The following AGO3 variants were observed in gnomAD, a reference collection of about 807,000 sequenced individuals.
The protein encoded by AGO3 is protein argonaute-3.
AGO3 carries 16 observed loss-of-function variants against 105.5 expected under a neutral mutation model. That is an observed-to-expected ratio of 0.15 (90% CI 0.10 to 0.23). The LOEUF is 0.23. Ranked by LOEUF, AGO3 falls within the 10% of genes least tolerant of loss-of-function variation. The pLI, the probability that AGO3 is intolerant of heterozygous loss-of-function variation, is 1.00. For synonymous variants in AGO3, 340 were observed against 367.3 expected (o/e 0.93, Z 0.85); for missense variants, 534 against 1,088.0 (o/e 0.49, Z 7.16).
Position 36,039,890 on chromosome 1 carries a change from G to A in AGO3, c.1943G>A (p.Arg648Gln), listed in dbSNP as rs768960323. The A allele has an allele frequency of 1.2e-6, 2 of 1,613,804 alleles. No homozygotes were observed. The highest frequency in any genetic ancestry group is 1.1e-5 in the South Asian group (1 of 91,060). The change falls in exon 15 of 19, where the codon CGG (arginine) becomes CAG (glutamine). Residue 648 changes from arginine (R) to glutamine (Q), a missense_variant. Physicochemically the swap from Arg to Gln is conservative, Grantham distance 43 (BLOSUM62 1). Coordinates refer to ENST00000373191, the MANE Select transcript of AGO3 (RefSeq NM_024852.4). The part of the protein sequence containing the change: ...EIIQDLASMV[R>Q]ELLIQFYKST... Reference sequence around the variant, plus strand: ...ATCCAGGACTTGGCCTCCATGGTCCGGGAACTTCTTATTCAATTTTATAAG... The same window carrying A: ...ATCCAGGACTTGGCCTCCATGGTCCAGGAACTTCTTATTCAATTTTATAAG...
chr1:35,972,427 CG>C (rs1646885418), intron 4 of AGO3, among the ~76,000 whole-genome samples, 195 bp downstream of exon 4: 1 of 152,200 alleles, frequency 6.6e-6, no homozygotes, highest in East Asian at 1.9e-4. Context: ...AGTAACTATA[CG>C]TCATTAGCTT....
intron 2 of AGO3, among the ~76,000 whole-genome samples, chr1:35,946,502 C>T (rs1469563682): frequency 6.6e-6 from 1 of 152,088 alleles, no homozygotes; most frequent in African/African-American, 2.4e-5. Flanking sequence ...TTTTTAAAAA[C>T]AAAGACAACA....
intron 5 of AGO3, among the ~76,000 whole-genome samples, chr1:35,993,337 G>C (rs1428871914): frequency 9.2e-5 from 14 of 151,840 alleles, no homozygotes; most frequent in Non-Finnish European, 2.1e-4. Flanking sequence ...GCCAACTGTT[G>C]GTTATTTAAA....
chr1:35,930,784 A>T, upstream of AGO3: 1 of 157,526 alleles, frequency 6.3e-6, no homozygotes, highest in Non-Finnish European at 1.4e-5. Context: ...GGGGTCCTTC[A>T]CCCGCCGGCT....
Position 36,043,544 on chromosome 1 carries a change from T to TG in AGO3, c.2270_2271insG (p.Ile757MetfsTer16). ...TTTTACCTCTGTAGCCATGCTGGAATACAGGTAAGCCTACACTTTGGGTAA... is the reference window on the plus strand; with the variant it reads ...TTTTACCTCTGTAGCCATGCTGGAATGACAGGTAAGCCTACACTTTGGGTAA... On this transcript the variant is annotated frameshift_variant, in exon 17 of 19. Transcript: ENST00000373191. LOFTEE classifies it high-confidence loss of function. 6.2e-7 allele frequency: 1 copy of TG among 1,609,114 alleles called. No individual in the cohort carries two copies. The highest frequency in any genetic ancestry group is 8.5e-7 in the Non-Finnish European group (1 of 1,176,430).
chr1:36,036,609 A>G (rs1436895084), intron 14 of AGO3, among the ~76,000 whole-genome samples: 1 of 152,246 alleles, frequency 6.6e-6, no homozygotes, highest in African/African-American at 2.4e-5. Flanking sequence ...ACTACATATA[A>G]GCTTGGTGGA....
intron 1 of AGO3, among the ~76,000 whole-genome samples, chr1:35,938,866 C>G (rs945008787): frequency 2.6e-5 from 4 of 151,920 alleles, no homozygotes; most frequent in African/African-American, 7.3e-5. Context: ...TCATCAGTCA[C>G]ATTTGCTGTA....
At chr1:35,973,682 T>C in intron 5 of AGO3, 171 bp downstream of exon 5, 1 of 743,088 alleles carries the variant, frequency 1.3e-6, no homozygotes, top group Non-Finnish European at 1.8e-6. Context: ...TTAGAAAGCC[T>C]GTAGAATTTA....
At position 36,015,178 on chromosome 1, in the gene AGO3, C is replaced by T. The variant is rs188978444; in HGVS notation, c.1406+1130C>T. ...CATGACCCCCTCTTCAAGATAGATT[C>T]GTCTGATAGAGCAGCTCACAGAACT... On this transcript the variant is annotated intron_variant, in intron 11 of 18. Transcript: ENST00000373191. Among the ~76,000 whole-genome samples the T allele has an allele frequency of 2.9e-3, 440 of 152,250 alleles. 2 individuals carry two copies. Among genetic ancestry groups the T allele is most frequent in the Middle Eastern group, 6.8e-3 (2 of 294 alleles).
intron 11 of AGO3, among the ~76,000 whole-genome samples, chr1:36,022,946 A>AAAAAAAAAAAC (rs1641315540): frequency 1.4e-5 from 1 of 72,012 alleles, no homozygotes; most frequent in Non-Finnish European, 3.3e-5. Context: ...AAAAAAAAAC[A>AAAAAAAAAAAC]AAAAAAAAAG....
At chr1:36,054,646 T>G (rs1642854971) in intron 17 of AGO3, among the ~76,000 whole-genome samples, 1 of 152,140 alleles carries the variant, frequency 6.6e-6, no homozygotes, top group South Asian at 2.1e-4. Context: ...TTTGGGAGGC[T>G]GAGGCAGGCA....
intron 16 of AGO3, among the ~76,000 whole-genome samples, chr1:36,041,942 T>A (rs1642267222): frequency 6.6e-6 from 1 of 152,232 alleles, no homozygotes; most frequent in East Asian, 1.9e-4. Context: ...AAAAAAAAAT[T>A]AATAAATAAA....
At chr1:35,995,483 C>T (rs1028491735) in intron 5 of AGO3, among the ~76,000 whole-genome samples, 19 of 151,752 alleles carry the variant, frequency 1.3e-4, no homozygotes, top group Admixed American at 6.6e-5. Context: ...TGGCAAAGGG[C>T]CCAACATAAT....
chr1:35,981,277 CATGAG>C (rs549113163), intron 5 of AGO3, among the ~76,000 whole-genome samples: 38 of 152,198 alleles, frequency 2.5e-4, no homozygotes, highest in African/African-American at 8.9e-4. Context: ...CTTATATTGG[CATGAG>C]ATGAGTTTCC....
intron 5 of AGO3, among the ~76,000 whole-genome samples, chr1:35,999,313 AG>A (rs1441542190): frequency 6.6e-6 from 1 of 152,188 alleles, no homozygotes; most frequent in Non-Finnish European, 1.5e-5. Context: ...GCACTCCAGC[AG>A]CCTGGCCAAC....
chr1:35,944,544 C>CTTT (rs761797350), intron 1 of AGO3, among the ~76,000 whole-genome samples: 73 of 105,458 alleles, frequency 6.9e-4, no homozygotes, highest in African/African-American at 1.4e-3. Flanking sequence ...ATTTTATTTA[C>CTTT]TTTTTTTTTT....
rs1643164389 is a variant in AGO3 at position 36,071,352 on chromosome 1, A to G, written c.*15607A>G. 1 of 152,226 alleles carries G rather than the reference A, an allele frequency of 6.6e-6. No homozygotes were observed. Among genetic ancestry groups the G allele is most frequent in the Non-Finnish European group, 1.5e-5 (1 of 68,036 alleles). The allele number at this position is 152,226 out of a possible 1,614,324, so 9.4% of individuals were successfully genotyped here. A position where few individuals can be genotyped will look rare whatever the true frequency, so the allele number is the denominator to read the frequency against. On this transcript the variant is annotated 3_prime_UTR_variant, in exon 19 of 19. Transcript: ENST00000373191. ...CAAAATGTCCTGAAGATGGACAAAT[A>G]GCCTTTTAAATTCTACTTTTTAACC...
At chr1:35,965,387 G>A (rs1288764530) in intron 2 of AGO3, among the ~76,000 whole-genome samples, 1 of 151,124 alleles carries the variant, frequency 6.6e-6, no homozygotes, top group Non-Finnish European at 1.5e-5. Context: ...CTACTTGGGA[G>A]GCTGAGGCAG....
At chr1:36,035,461 T>C (rs1641961376) in intron 13 of AGO3, among the ~76,000 whole-genome samples, 1 of 152,198 alleles carries the variant, frequency 6.6e-6, no homozygotes, top group Non-Finnish European at 1.5e-5. Flanking sequence ...TTATGACCAT[T>C]GAATATATGT....
Sources: allele counts gnomAD v4.1 joint callset (sites outside exome capture counted in the v4.1 genomes callset), GRCh38; gene constraint gnomAD v4.1.1; transcripts MANE v1.5; gene names NCBI Gene and HGNC (gene_info 2026-07-23, HGNC 2026-07-21).